Variants in SCAPER observed in about 807,000 individuals in gnomAD.
SCAPER encodes S-phase cyclin A associated protein in the ER.
SCAPER carries 98 observed loss-of-function variants against 182.2 expected under a neutral mutation model. That is an observed-to-expected ratio of 0.54 (90% CI 0.46 to 0.64). The LOEUF is 0.64. Among genes scored for constraint, SCAPER ranks in the 30% least tolerant of loss-of-function variants. The pLI, the probability that SCAPER is intolerant of heterozygous loss-of-function variation, is 0.00. For synonymous variants in SCAPER, 605 were observed against 564.6 expected (o/e 1.07, Z -1.01); for missense variants, 1,432 against 1,690.0 (o/e 0.85, Z 2.68).
intron 17 of SCAPER, among the ~76,000 whole-genome samples, chr15:76,721,475 A>G (rs916817084): frequency 3.9e-5 from 6 of 152,038 alleles, no homozygotes; most frequent in Admixed American, 6.6e-5. Flanking sequence ...AGTCATTGGC[A>G]GCTTGATGGG....
intron 21 of SCAPER, among the ~76,000 whole-genome samples, chr15:76,626,661 A>G (rs2015132): frequency 0.97 from 148,143 of 152,304 alleles, 72,166 homozygotes; most frequent in South Asian, 1. Context: ...AGGTTGCAAT[A>G]AGCCAAGATT....
At chr15:76,784,638 C>T (rs1391174211) in intron 8 of SCAPER, among the ~76,000 whole-genome samples, 1 of 152,190 alleles carries the variant, frequency 6.6e-6, no homozygotes, top group Admixed American at 6.5e-5. Context: ...TCAAACTATA[C>T]TACAAGGCTA....
At chr15:76,626,017 C>T (rs966485378) in intron 21 of SCAPER, among the ~76,000 whole-genome samples, 1 of 152,148 alleles carries the variant, frequency 6.6e-6, no homozygotes, top group Admixed American at 6.5e-5. Flanking sequence ...CCAAAAAAAT[C>T]TCATAATGCT....
chr15:76,799,904 G>A (rs1318818488), intron 7 of SCAPER, among the ~76,000 whole-genome samples: 3 of 152,022 alleles, frequency 2.0e-5, no homozygotes, highest in Non-Finnish European at 4.4e-5. Flanking sequence ...TGGATCCTAG[G>A]CTTCTGTTGA....
intron 26 of SCAPER, among the ~76,000 whole-genome samples, chr15:76,416,202 C>T (rs1024542141): frequency 2.9e-4 from 44 of 151,854 alleles, no homozygotes; most frequent in African/African-American, 9.2e-4. Context: ...TGGCTGGGTG[C>T]GGTGGCTCAC....
intron 14 of SCAPER, among the ~76,000 whole-genome samples, chr15:76,762,111 A>G (rs1378518845): frequency 1.3e-5 from 2 of 152,128 alleles, no homozygotes; most frequent in African/African-American, 2.4e-5. Context: ...TCTTTTGGTT[A>G]CAATTTACAT....
intron 5 of SCAPER, among the ~76,000 whole-genome samples, chr15:76,809,422 A>G (rs1252444832): frequency 1.3e-5 from 2 of 152,184 alleles, no homozygotes; most frequent in African/African-American, 4.8e-5. Context: ...AAATACAAAA[A>G]GTACCAAACA....
At chr15:76,457,845 GA>G (rs1253320960) in intron 25 of SCAPER, among the ~76,000 whole-genome samples, 1 of 152,010 alleles carries the variant, frequency 6.6e-6, no homozygotes, top group Non-Finnish European at 1.5e-5. Flanking sequence ...AATAAATACA[GA>G]GTCTGTTTCC....
chr15:76,469,262 A>G (rs1437459352), intron 25 of SCAPER, among the ~76,000 whole-genome samples: 1 of 152,140 alleles, frequency 6.6e-6, no homozygotes, highest in Non-Finnish European at 1.5e-5. Context: ...ATTCTTCCAG[A>G]TGATGCAGTA....
chr15:76,661,466 C>T (rs2056158364), intron 21 of SCAPER, among the ~76,000 whole-genome samples: 2 of 152,092 alleles, frequency 1.3e-5, no homozygotes, highest in Admixed American at 1.3e-4. Flanking sequence ...TTACAAGGAA[C>T]TTAAACAAAT....
chr15:76,834,836 C>T (rs914819556), intron 5 of SCAPER, among the ~76,000 whole-genome samples: 1 of 151,978 alleles, frequency 6.6e-6, no homozygotes, highest in African/African-American at 2.4e-5. Context: ...ATACAACCTG[C>T]CAAGACTGAA....
intron 18 of SCAPER, among the ~76,000 whole-genome samples, chr15:76,704,718 A>G (rs531246821): frequency 3.3e-5 from 5 of 152,328 alleles, no homozygotes; most frequent in African/African-American, 1.2e-4. Flanking sequence ...AAACAACCCC[A>G]TCAAAGAGTG....
chr15:76,533,399 CCAT>C (rs1316625379), intron 23 of SCAPER, among the ~76,000 whole-genome samples: 1 of 152,090 alleles, frequency 6.6e-6, no homozygotes, highest in African/African-American at 2.4e-5. Context: ...TGAATACTTA[CCAT>C]TGTGTTACAA....
intron 20 of SCAPER, among the ~76,000 whole-genome samples, chr15:76,700,869 T>C (rs1418313388): frequency 1.3e-5 from 2 of 152,196 alleles, no homozygotes; most frequent in South Asian, 2.1e-4. Context: ...TACTGTATGA[T>C]AACATTTGTA....
chr15:76,612,983 G>C (rs1369803132), intron 22 of SCAPER, among the ~76,000 whole-genome samples: 3 of 152,206 alleles, frequency 2.0e-5, no homozygotes, highest in Non-Finnish European at 4.4e-5. Flanking sequence ...TAAGCGAAAA[G>C]AATAGCATGG....
intron 22 of SCAPER, 71 bp from the exon 23 acceptor site, chr15:76,574,355 T>G: frequency 2.0e-6 from 3 of 1,517,380 alleles, no homozygotes; most frequent in Non-Finnish European, 2.7e-6. Flanking sequence ...CCAAAACACT[T>G]TGAAACACAA....
intron 25 of SCAPER, among the ~76,000 whole-genome samples, chr15:76,465,258 G>A (rs1171133971): frequency 6.6e-6 from 1 of 152,112 alleles, no homozygotes; most frequent in African/African-American, 2.4e-5. Context: ...GGTGCTTTCT[G>A]GTTCATAGAA....
In SCAPER at chr15:76,766,840, C is replaced by A. The variant is rs2063147409; in HGVS notation, c.1419+78G>T. The A allele has an allele frequency of 2.5e-6, 3 of 1,198,172 alleles. No individual in the cohort carries two copies. In the South Asian group the frequency reaches 4.7e-5, roughly 19 times the overall value. 74.2% of individuals were successfully genotyped at this position (1,198,172 alleles called of 1,614,324 possible). On this transcript the variant is annotated intron_variant, in intron 11 of 31. Coordinates refer to ENST00000563290, the MANE Select transcript of SCAPER (RefSeq NM_020843.4). ...AATTCTAAATAGGACTAGATGGACT[C>A]CAAGTCTTTCTGGCCCAGATAATTT... is the stretch of plus-strand genomic sequence containing the variant.
intron 25 of SCAPER, among the ~76,000 whole-genome samples, chr15:76,461,588 TTTA>T (rs1370228016): frequency 2.0e-5 from 3 of 152,176 alleles, no homozygotes; most frequent in South Asian, 4.1e-4. Flanking sequence ...TGTTTGATTC[TTTA>T]TTATGTTTTT....
Sources: gnomAD v4.1 joint callset for allele counts (sites outside exome capture counted in the v4.1 genomes callset) on GRCh38, gnomAD v4.1.1 for gene constraint, MANE v1.5 for transcripts, NCBI Gene and HGNC (gene_info 2026-07-23, HGNC 2026-07-21) for gene names.